CNBD1: variants seen among roughly 807,000 people sequenced by gnomAD.
The protein encoded by CNBD1 is cyclic nucleotide-binding domain-containing protein 1.
Under a neutral mutation model 54.4 loss-of-function variants are expected in CNBD1, and 71 were observed. The observed-to-expected ratio is 1.30, with a 90% CI of 1.08 to 1.59. The LOEUF (loss-of-function observed/expected upper bound fraction) is 1.59, where lower values mean the gene tolerates loss of function less well. Ranked by LOEUF, CNBD1 falls within the 40% of genes most tolerant of loss-of-function variation. The pLI, the probability that CNBD1 is intolerant of heterozygous loss-of-function variation, is 0.00. For missense variants in CNBD1, 659 were observed against 518.0 expected (o/e 1.27, Z -2.64); for synonymous variants, 182 against 170.7 (o/e 1.07, Z -0.51).
intron 4 of CNBD1, among the ~76,000 whole-genome samples, chr8:87,038,726 T>G (rs886993190): frequency 2.0e-5 from 3 of 152,208 alleles, no homozygotes; most frequent in African/African-American, 7.2e-5. Context: ...TTATTTAAAT[T>G]ATAAACTAAA....
intron 5 of CNBD1, among the ~76,000 whole-genome samples, chr8:87,209,229 C>T (rs1212584358): frequency 6.6e-6 from 1 of 152,048 alleles, no homozygotes; most frequent in African/African-American, 2.4e-5. Context: ...ATTATTCTGA[C>T]ACTCTTCCAA....
chr8:87,108,684 A>T (rs1327932431), intron 4 of CNBD1, among the ~76,000 whole-genome samples: 1 of 152,194 alleles, frequency 6.6e-6, no homozygotes, highest in African/African-American at 2.4e-5. Flanking sequence ...GGGAAATGCG[A>T]TAATTTTATT....
intron 4 of CNBD1, among the ~76,000 whole-genome samples, chr8:87,110,527 C>T (rs530984717): frequency 7.9e-5 from 12 of 152,218 alleles, no homozygotes; most frequent in Admixed American, 1.3e-4. Context: ...AATAGCTTGT[C>T]GTTTACATTG....
At chr8:87,327,094 G>C (rs1274836731) in intron 8 of CNBD1, among the ~76,000 whole-genome samples, 4 of 147,604 alleles carry the variant, frequency 2.7e-5, no homozygotes, top group East Asian at 2.0e-4. Context: ...CTGCTGGGGG[G>C]TGCCTCCCAG....
At chr8:87,304,010 T>G (rs1438849544) in intron 8 of CNBD1, among the ~76,000 whole-genome samples, 5 of 152,052 alleles carry the variant, frequency 3.3e-5, no homozygotes, top group South Asian at 2.1e-4. Context: ...AGGATATGGA[T>G]AAATAGGAAC....
At chr8:86,895,629 A>G (rs1001913256) in intron 2 of CNBD1, among the ~76,000 whole-genome samples, 6 of 152,064 alleles carry the variant, frequency 3.9e-5, no homozygotes, top group Non-Finnish European at 8.8e-5. Context: ...TGGTGTTTTG[A>G]ATATTAGGCA....
At chr8:87,025,488 A>T (rs1371800214) in intron 4 of CNBD1, among the ~76,000 whole-genome samples, 2 of 152,226 alleles carry the variant, frequency 1.3e-5, no homozygotes. Context: ...AACTCCGGAC[A>T]GGTAACCTTT....
chr8:87,171,091 G>A (rs891894528), intron 4 of CNBD1, among the ~76,000 whole-genome samples: 1 of 152,144 alleles, frequency 6.6e-6, no homozygotes, highest in African/African-American at 2.4e-5. Context: ...AGTAGGATTG[G>A]TATTAGTGCT....
At position 87,405,008 on chromosome 8, in the gene CNBD1, AT is replaced by A. The variant is rs999171414; in HGVS notation, c.214-23533del. On this transcript the variant is annotated intron_variant, in intron 2 of 7. Transcript: ENST00000521593. Reference sequence around the variant, plus strand: ...TTATAACTGGGAAGCAGCAAGAAAGATTTTTGAGTCATAAAACTGCTATCTT... The same window carrying A: ...TTATAACTGGGAAGCAGCAAGAAAGATTTTGAGTCATAAAACTGCTATCTT... Among the ~76,000 whole-genome samples the A allele has an allele frequency of 1.1e-4, 16 of 152,196 alleles. 1 individual carries two copies. The South Asian group carries it at 2.3e-3, about 22-fold the overall frequency.
chr8:86,874,529 AAT>A (rs1808487054), intron 1 of CNBD1, among the ~76,000 whole-genome samples: 1 of 152,076 alleles, frequency 6.6e-6, no homozygotes, highest in African/African-American at 2.4e-5. Flanking sequence ...TTTTTAAATT[AAT>A]ATGTTTTGTG....
intron 4 of CNBD1, among the ~76,000 whole-genome samples, chr8:87,154,700 A>T (rs1812678313): frequency 6.6e-6 from 1 of 152,176 alleles, no homozygotes; most frequent in Non-Finnish European, 1.5e-5. Context: ...TTTAGTTTAA[A>T]ACCTATTAAC....
intron 5 of CNBD1, among the ~76,000 whole-genome samples, chr8:87,231,467 G>A (rs1285983096): frequency 6.6e-6 from 1 of 152,136 alleles, no homozygotes; most frequent in Non-Finnish European, 1.5e-5. Context: ...AGCTTGGGAA[G>A]GATGTTTAAT....
At chr8:86,906,547 C>G (rs545698351) in intron 3 of CNBD1, among the ~76,000 whole-genome samples, 1 of 152,282 alleles carries the variant, frequency 6.6e-6, no homozygotes, top group South Asian at 2.1e-4. Flanking sequence ...TAACATCACT[C>G]TAAAAATATC....
At chr8:86,928,993 CAG>C (rs913583187) in intron 3 of CNBD1, among the ~76,000 whole-genome samples, 3 of 152,328 alleles carry the variant, frequency 2.0e-5, no homozygotes, top group African/African-American at 7.2e-5. Flanking sequence ...CATTCTTTTT[CAG>C]TCGGGAAATA....
At position 87,371,632 on chromosome 8, in the gene CNBD1, A is replaced by G. The variant is rs1371546062; in HGVS notation, c.1304-10988A>G. Reference sequence around the variant, plus strand: ...AATCCAGCAGCACATCAAAAAGCTTATCCACTATGATCAAGTGGGCTTCAT... The same window carrying G: ...AATCCAGCAGCACATCAAAAAGCTTGTCCACTATGATCAAGTGGGCTTCAT... On this transcript the variant is annotated intron_variant, in intron 10 of 10. Coordinates refer to ENST00000518476, the MANE Select transcript of CNBD1 (RefSeq NM_173538.3). Among the ~76,000 whole-genome samples, 4 of 152,026 alleles carry G rather than the reference A, an allele frequency of 2.6e-5. No homozygotes were observed. The East Asian group carries it at 5.8e-4, about 22-fold the overall frequency.
At chr8:87,135,265 G>C (rs1812204955) in intron 4 of CNBD1, among the ~76,000 whole-genome samples, 2 of 151,696 alleles carry the variant, frequency 1.3e-5, no homozygotes, top group Non-Finnish European at 2.9e-5. Flanking sequence ...ATATATATAT[G>C]AGATATATAA....
chr8:87,297,914 AT>A (rs1808910719), intron 8 of CNBD1, among the ~76,000 whole-genome samples: 1 of 151,618 alleles, frequency 6.6e-6, no homozygotes, highest in African/African-American at 2.4e-5. Flanking sequence ...AGAATTCTAT[AT>A]TTTATCTAGA....
Position 87,424,200 on chromosome 8 carries a change from A to C in CNBD1, c.214-4346A>C, listed in dbSNP as rs535934926. On this transcript the variant is annotated intron_variant, in intron 2 of 7. Coordinates refer to the CNBD1 transcript ENST00000521593. Reference sequence around the variant, plus strand: ...TATTAGTCTTGCTAGCGGTCTATCTATTTTGTTGATCCTTTCAAAATACCA... The same window carrying C: ...TATTAGTCTTGCTAGCGGTCTATCTCTTTTGTTGATCCTTTCAAAATACCA... Among the ~76,000 whole-genome samples the C allele has an allele frequency of 8.5e-3, 1,284 of 151,428 alleles. 21 individuals are homozygous for C. The highest frequency in any genetic ancestry group is 0.028 in the African/African-American group (1,128 of 40,986).
chr8:87,310,569 A>G lies in CNBD1; in HGVS notation c.1042+23898A>G, dbSNP rs1364129193. Reference sequence around the variant, plus strand: ...ATGGCCATATTGCCCAAAACAATCTACAGTTTTAACACTATTTCTATCAAA... The same window carrying G: ...ATGGCCATATTGCCCAAAACAATCTGCAGTTTTAACACTATTTCTATCAAA... On this transcript the variant is annotated intron_variant, in intron 8 of 10. Transcript: ENST00000518476. 1.3e-5 allele frequency among the ~76,000 whole-genome samples: 2 copies of G among 152,150 alleles called. 1 individual carries two copies. Among genetic ancestry groups the G allele is most frequent in the Non-Finnish European group, 2.9e-5 (2 of 68,036 alleles).
Sources: allele counts gnomAD v4.1 joint callset (sites outside exome capture counted in the v4.1 genomes callset), GRCh38; gene constraint gnomAD v4.1.1; transcripts MANE v1.5; gene names NCBI Gene and HGNC (gene_info 2026-07-23, HGNC 2026-07-21).